KIF26B: variants seen among roughly 807,000 people sequenced by gnomAD.
The protein encoded by KIF26B is kinesin-like protein KIF26B.
A neutral mutation model predicts 151.2 loss-of-function variants in KIF26B; 63 were observed. That is an observed-to-expected ratio of 0.42 (90% CI 0.34 to 0.51). The LOEUF (loss-of-function observed/expected upper bound fraction) is 0.51, where lower values mean the gene tolerates loss of function less well. KIF26B is among the 20% of genes least tolerant of loss of function. The pLI is 0.07. For missense variants in KIF26B, 2,813 were observed against 2,913.6 expected (o/e 0.97, Z 0.79); for synonymous variants, 1,357 against 1,262.1 (o/e 1.08, Z -1.59).
In KIF26B at chr1:245,702,230, A is replaced by AATCT. The variant is rs2044782542; in HGVS notation, c.6179-227_6179-224dup. Among the ~76,000 whole-genome samples the AATCT allele has an allele frequency of 6.6e-6, 1 of 152,128 alleles. No individual in the cohort carries two copies. The highest frequency in any genetic ancestry group is 2.1e-4 in the South Asian group (1 of 4,814). On this transcript the variant is annotated intron_variant, in intron 14 of 14. Coordinates refer to ENST00000407071, the MANE Select transcript of KIF26B (RefSeq NM_018012.4). The surrounding 1 kb of genome is among the most constrained non-coding windows in gnomAD (Gnocchi z 4.1). The stretch of plus-strand genomic sequence containing the variant: ...AGAATGTCACCTTATTGGTCAGTAG[A>AATCT]ATCTCAGAAAAAACCTTAAGGATCT...
At chr1:245,173,975 C>T (rs766620035) in intron 2 of KIF26B, among the ~76,000 whole-genome samples, 3 of 152,176 alleles carry the variant, frequency 2.0e-5, no homozygotes, top group African/African-American at 7.2e-5. Flanking sequence ...GCAGGGCAGT[C>T]GTCATCACTA....
chr1:245,338,577 CAT>C (rs1399324996), intron 2 of KIF26B, among the ~76,000 whole-genome samples: 4 of 152,232 alleles, frequency 2.6e-5, no homozygotes, highest in Middle Eastern at 3.2e-3. Context: ...AGTGTGAACA[CAT>C]ACGCATTTCT....
chr1:245,155,795 T>C (rs930245408), intron 1 of KIF26B, among the ~76,000 whole-genome samples: 1 of 152,240 alleles, frequency 6.6e-6, no homozygotes, highest in African/African-American at 2.4e-5. Context: ...TGCTGGGCAG[T>C]ACCTCGGATC....
chr1:245,418,446 G>A (rs1658369220), intron 3 of KIF26B, among the ~76,000 whole-genome samples: 1 of 152,246 alleles, frequency 6.6e-6, no homozygotes, highest in South Asian at 2.1e-4. Flanking sequence ...CAGTCAATGG[G>A]ATTCAGAGTA....
At chr1:245,696,694 A>G (rs2044698723) in intron 12 of KIF26B, among the ~76,000 whole-genome samples, 1 of 152,176 alleles carries the variant, frequency 6.6e-6, no homozygotes, top group Non-Finnish European at 1.5e-5. Context: ...CGCTAAGGAG[A>G]CAGACATTTG....
At position 245,406,381 on chromosome 1, in the gene KIF26B, A is replaced by C. The variant is rs143572897; in HGVS notation, c.1000-13198A>C. On this transcript the variant is annotated intron_variant, in intron 3 of 14. Transcript: ENST00000407071. ...GGTCCAGCCTGTCTCCAATTTGGGC[A>C]TCTCCTTCGTGGCTGTGGTATGGAG... Among the ~76,000 whole-genome samples, 1,057 of 152,324 alleles carry C rather than the reference A, an allele frequency of 6.9e-3. 8 individuals are homozygous for C. The highest frequency in any genetic ancestry group is 0.014 in the Middle Eastern group (4 of 294).
chr1:245,575,938 C>T (rs2043113709), intron 5 of KIF26B, among the ~76,000 whole-genome samples: 1 of 152,010 alleles, frequency 6.6e-6, no homozygotes, highest in Non-Finnish European at 1.5e-5. Context: ...TGATGCTTCC[C>T]GGGGGTGTTT....
At chr1:245,189,909 GAA>G (rs1352078726) in intron 2 of KIF26B, among the ~76,000 whole-genome samples, 2 of 152,212 alleles carry the variant, frequency 1.3e-5, no homozygotes. Context: ...AGACAAGAGA[GAA>G]AGAGAGTGAA....
chr1:245,212,558 G>A (rs901315405), intron 2 of KIF26B, among the ~76,000 whole-genome samples: 3 of 152,192 alleles, frequency 2.0e-5, no homozygotes, highest in Admixed American at 1.3e-4. Context: ...CCAATCCTAC[G>A]GGTGAATGAG....
chr1:245,273,480 A>G (rs10924144), intron 2 of KIF26B, among the ~76,000 whole-genome samples: 67,893 of 151,098 alleles, frequency 0.45, 15,889 homozygotes, highest in East Asian at 0.61. Context: ...ATCTCCTACT[A>G]TTGTTGTGTT....
At chr1:245,206,371 C>G (rs1048393860) in intron 2 of KIF26B, 12 of 152,204 alleles carry the variant, frequency 7.9e-5, no homozygotes, top group African/African-American at 2.9e-4. Context: ...TTTATCTTTG[C>G]ACAAAGGATT....
intron 5 of KIF26B, among the ~76,000 whole-genome samples, chr1:245,547,261 G>T (rs1480931261): frequency 1.3e-5 from 2 of 152,172 alleles, no homozygotes; most frequent in Non-Finnish European, 2.9e-5. Context: ...AGAGGTTACT[G>T]GGCAGGAAAG....
chr1:245,427,949 A>G (rs1444049707), intron 4 of KIF26B, among the ~76,000 whole-genome samples: 1 of 152,158 alleles, frequency 6.6e-6, no homozygotes, highest in African/African-American at 2.4e-5. Context: ...GCCCAATTGT[A>G]GGAGTGAGTG....
intron 2 of KIF26B, among the ~76,000 whole-genome samples, chr1:245,224,171 G>C (rs1237626512): frequency 2.0e-5 from 3 of 152,146 alleles, no homozygotes; most frequent in Non-Finnish European, 4.4e-5. Context: ...TGTAATCCCA[G>C]CTACTGGGGA....
At chr1:245,462,791 T>G (rs1301163882) in intron 4 of KIF26B, among the ~76,000 whole-genome samples, 1 of 152,130 alleles carries the variant, frequency 6.6e-6, no homozygotes, top group African/African-American at 2.4e-5. Context: ...TGGACTGACT[T>G]TAGAGGCTGT....
At chr1:245,461,749 A>C (rs1171339457) in intron 4 of KIF26B, among the ~76,000 whole-genome samples, 1 of 151,984 alleles carries the variant, frequency 6.6e-6, no homozygotes. Context: ...TAAGCAGCGC[A>C]CTCTCTTCAG....
intron 5 of KIF26B, among the ~76,000 whole-genome samples, chr1:245,545,129 T>G: frequency 6.8e-6 from 1 of 147,168 alleles, no homozygotes; most frequent in African/African-American, 2.5e-5. Flanking sequence ...TGAGACAGAG[T>G]CTCACTCTGT....
chr1:245,657,267 TTCAAACCACTTA>T (rs1327769198), intron 10 of KIF26B, among the ~76,000 whole-genome samples: 1 of 152,194 alleles, frequency 6.6e-6, no homozygotes, highest in Non-Finnish European at 1.5e-5. Context: ...GTTGGTGTCT[TTCAAACCACTTA>T]TCAAGGGTTG....
At chr1:245,608,842 C>A (rs1422613670) in intron 7 of KIF26B, among the ~76,000 whole-genome samples, 1 of 152,030 alleles carries the variant, frequency 6.6e-6, no homozygotes, top group Non-Finnish European at 1.5e-5. Flanking sequence ...ACCTCCAATT[C>A]CTGGGCTCAA....
Sources: allele counts gnomAD v4.1 joint callset (sites outside exome capture counted in the v4.1 genomes callset), GRCh38; gene constraint gnomAD v4.1.1; non-coding constraint Gnocchi (gnomAD v3.1); transcripts MANE v1.5; gene names NCBI Gene and HGNC (gene_info 2026-07-23, HGNC 2026-07-21).